Variants in MACROD2 observed in about 807,000 individuals in gnomAD.
MACROD2 encodes the protein ADP-ribose glycohydrolase MACROD2.
In MACROD2, 36 loss-of-function variants were observed where a neutral mutation model predicts 70.4. The ratio of observed to expected loss-of-function variants is 0.51; its 90% CI spans 0.39 to 0.68. MACROD2 has a LOEUF of 0.68. MACROD2 is among the 30% of genes least tolerant of loss of function. The pLI, the probability that MACROD2 is intolerant of heterozygous loss-of-function variation, is 0.00. For missense variants in MACROD2, 496 were observed against 538.4 expected (o/e 0.92, Z 0.78); for synonymous variants, 172 against 178.8 (o/e 0.96, Z 0.30).
chr20:15,590,815 G>A (rs1036007819), intron 8 of MACROD2, among the ~76,000 whole-genome samples: 2 of 151,678 alleles, frequency 1.3e-5, no homozygotes, highest in Non-Finnish European at 2.9e-5. Flanking sequence ...AGAGGTTGCA[G>A]TGAGGTGAGT....
intron 5 of MACROD2, among the ~76,000 whole-genome samples, chr20:14,857,136 C>T (rs1315639279): frequency 6.6e-6 from 1 of 152,120 alleles, no homozygotes; most frequent in Non-Finnish European, 1.5e-5. Context: ...CTCCCCAATC[C>T]CATAAACCGT....
chr20:15,237,267 G>C (rs2077021863), intron 6 of MACROD2, among the ~76,000 whole-genome samples: 1 of 152,166 alleles, frequency 6.6e-6, no homozygotes, highest in Admixed American at 6.5e-5. Context: ...ACTTTACCAA[G>C]AGTGCCTGAG....
At chr20:14,046,323 G>C (rs2053474146) in intron 2 of MACROD2, among the ~76,000 whole-genome samples, 1 of 152,156 alleles carries the variant, frequency 6.6e-6, no homozygotes, top group African/African-American at 2.4e-5. Flanking sequence ...CCTAGGGAGA[G>C]TAACTGGCAG....
At chr20:14,413,662 G>A (rs6033960) in intron 3 of MACROD2, among the ~76,000 whole-genome samples, 150,152 of 152,316 alleles carry the variant, frequency 0.99, 74,050 homozygotes, top group Middle Eastern at 1. Context: ...GTTTCATGTG[G>A]CAATGATGTT....
chr20:15,696,343 C>T (rs2050371235), intron 8 of MACROD2, among the ~76,000 whole-genome samples: 2 of 152,152 alleles, frequency 1.3e-5, no homozygotes, highest in South Asian at 4.1e-4. Flanking sequence ...TGGTGTATCT[C>T]ATTTATTGAC....
At chr20:14,886,154 G>A (rs2073672562) in intron 5 of MACROD2, among the ~76,000 whole-genome samples, 1 of 152,132 alleles carries the variant, frequency 6.6e-6, no homozygotes, top group Non-Finnish European at 1.5e-5. Context: ...TCCAGGTAAG[G>A]CCCCACTGGG....
intron 3 of MACROD2, among the ~76,000 whole-genome samples, chr20:14,145,401 G>C (rs2054931874): frequency 6.6e-6 from 1 of 152,068 alleles, no homozygotes; most frequent in Non-Finnish European, 1.5e-5. Context: ...TTGGAGTTCA[G>C]AAAACATTGA....
At chr20:15,663,167 G>A (rs937811246) in intron 8 of MACROD2, among the ~76,000 whole-genome samples, 17 of 151,946 alleles carry the variant, frequency 1.1e-4, no homozygotes, top group Non-Finnish European at 2.1e-4. Flanking sequence ...GTTGAATGGG[G>A]AAATGGATGA....
At chr20:15,925,092 C>A (rs1162737582) in intron 10 of MACROD2, among the ~76,000 whole-genome samples, 1 of 152,140 alleles carries the variant, frequency 6.6e-6, no homozygotes, top group Non-Finnish European at 1.5e-5. Flanking sequence ...GAGTGGACAC[C>A]AGGTTATGTG....
At chr20:15,262,495 G>T (rs2077258535) in intron 6 of MACROD2, among the ~76,000 whole-genome samples, 1 of 152,064 alleles carries the variant, frequency 6.6e-6, no homozygotes, top group Non-Finnish European at 1.5e-5. Context: ...TGTGAATAGT[G>T]CTGCAATAAA....
chr20:14,470,320 C>T (rs1483182991), intron 3 of MACROD2, among the ~76,000 whole-genome samples: 2 of 152,134 alleles, frequency 1.3e-5, no homozygotes, highest in Non-Finnish European at 2.9e-5. Context: ...AGAGGGGCAT[C>T]TGCCAGATGC....
chr20:15,400,124 C>T (rs888515865), intron 6 of MACROD2, among the ~76,000 whole-genome samples: 1 of 152,176 alleles, frequency 6.6e-6, no homozygotes, highest in Non-Finnish European at 1.5e-5. Context: ...CTGCTTAAGG[C>T]TTAGAATCAT....
intron 3 of MACROD2, among the ~76,000 whole-genome samples, chr20:14,479,120 T>C (rs924832494): frequency 3.9e-5 from 6 of 152,232 alleles, no homozygotes; most frequent in Admixed American, 1.3e-4. Flanking sequence ...AAATGACTTC[T>C]GAGGCCAGAA....
intron 8 of MACROD2, among the ~76,000 whole-genome samples, chr20:15,830,796 A>G (rs1423448714): frequency 2.6e-5 from 4 of 152,266 alleles, no homozygotes; most frequent in African/African-American, 7.2e-5. Context: ...GAGATAATAT[A>G]CATCAAGCTA....
intron 3 of MACROD2, among the ~76,000 whole-genome samples, chr20:14,261,997 G>A (rs2082105266): frequency 6.6e-6 from 1 of 152,112 alleles, no homozygotes; most frequent in Non-Finnish European, 1.5e-5. Context: ...AGAAAGCAAA[G>A]CTAAAAGCTG....
intron 5 of MACROD2, among the ~76,000 whole-genome samples, chr20:14,817,387 G>A (rs757304492): frequency 2.0e-4 from 30 of 152,198 alleles, no homozygotes; most frequent in Middle Eastern, 3.4e-3. Context: ...TCATACATGC[G>A]TCGTGTTGAA....
At chr20:15,480,411 G>A (rs748275895) in intron 7 of MACROD2, among the ~76,000 whole-genome samples, 1 of 152,124 alleles carries the variant, frequency 6.6e-6, no homozygotes, top group Non-Finnish European at 1.5e-5. Context: ...ATTTCTATGT[G>A]TGCCCCTATT....
intron 7 of MACROD2, among the ~76,000 whole-genome samples, chr20:15,494,391 T>C (rs937237490): frequency 1.3e-5 from 2 of 152,060 alleles, no homozygotes; most frequent in African/African-American, 4.8e-5. Flanking sequence ...CATGGCAGCT[T>C]TATTCATATT....
chr20:14,398,173 G>A (rs868702711), intron 3 of MACROD2, among the ~76,000 whole-genome samples: 4 of 152,066 alleles, frequency 2.6e-5, no homozygotes, highest in African/African-American at 4.8e-5. Context: ...GATGAATTAC[G>A]TATCTTAGCT....
Sources: allele counts gnomAD v4.1 joint callset (sites outside exome capture counted in the v4.1 genomes callset), GRCh38; gene constraint gnomAD v4.1.1; transcripts MANE v1.5; gene names NCBI Gene and HGNC (gene_info 2026-07-23, HGNC 2026-07-21).